The following PLXNA2 variants were observed in gnomAD, a reference collection of about 807,000 sequenced individuals.
PLXNA2 encodes plexin-A2.
Under a neutral mutation model 193.5 loss-of-function variants are expected in PLXNA2, and 91 were observed. That is an observed-to-expected ratio of 0.47 (90% CI 0.40 to 0.56). The LOEUF (loss-of-function observed/expected upper bound fraction) is 0.56, where lower values mean the gene tolerates loss of function less well. PLXNA2 is among the 20% of genes least tolerant of loss of function. PLXNA2 has a pLI of 0.00. For missense variants in PLXNA2, 1,995 were observed against 2,503.2 expected (o/e 0.80, Z 4.33); for synonymous variants, 997 against 1,027.3 (o/e 0.97, Z 0.56).
intron 3 of PLXNA2, among the ~76,000 whole-genome samples, chr1:208,164,384 C>T (rs780821193): frequency 5.3e-5 from 8 of 152,202 alleles, no homozygotes; most frequent in East Asian, 1.9e-4. Context: ...TTCTTTGCTC[C>T]GCATGCCCTA....
intron 3 of PLXNA2, among the ~76,000 whole-genome samples, chr1:208,163,227 A>C (rs1358167644): frequency 6.6e-6 from 1 of 151,994 alleles, no homozygotes; most frequent in Non-Finnish European, 1.5e-5. Flanking sequence ...TGGTGGAGGG[A>C]TGCCAAGACC....
At position 208,042,220 on chromosome 1, in the gene PLXNA2, C is replaced by T. The variant is rs549463134; in HGVS notation, c.4164G>A (p.Ser1388=). ...FSMRDRGNVA[S]LIMTGLQGRL... Reference sequence around the variant, plus strand: ...GGCCCTGCAGGCCGGTCATGATGAGCGAAGCCACGTTGCCCCGGTCGCGCA... The same window carrying T: ...GGCCCTGCAGGCCGGTCATGATGAGTGAAGCCACGTTGCCCCGGTCGCGCA... The change falls in exon 22 of 32, where the codon TCG becomes TCA. Residue 1388 remains serine (S), a synonymous_variant. Coordinates refer to ENST00000367033, the MANE Select transcript of PLXNA2 (RefSeq NM_025179.4). The T allele has an allele frequency of 4.1e-5, 66 of 1,614,086 alleles. No homozygotes were observed. Among genetic ancestry groups the T allele is most frequent in the South Asian group, 3.7e-4 (34 of 91,082 alleles).
At chr1:208,148,374 A>T (rs1214614126) in intron 3 of PLXNA2, among the ~76,000 whole-genome samples, 1 of 152,170 alleles carries the variant, frequency 6.6e-6, no homozygotes, top group Non-Finnish European at 1.5e-5. Flanking sequence ...AGGCATCACC[A>T]CACAGAAGGA....
At chr1:208,210,256 G>A (rs559326606) in intron 3 of PLXNA2, 24 bp downstream of exon 3, 5 of 1,611,902 alleles carry the variant, frequency 3.1e-6, no homozygotes, top group African/African-American at 2.7e-5. Flanking sequence ...TGGCATTGGA[G>A]CATCTGAACT....
chr1:208,194,596 T>A (rs1670295899), intron 3 of PLXNA2, among the ~76,000 whole-genome samples: 1 of 151,400 alleles, frequency 6.6e-6, no homozygotes, highest in African/African-American at 2.4e-5. Flanking sequence ...TGATGTGGAG[T>A]CCAAAACCAA....
chr1:208,214,597 T>C (rs867488274), intron 2 of PLXNA2, among the ~76,000 whole-genome samples: 9 of 152,258 alleles, frequency 5.9e-5, no homozygotes, highest in Non-Finnish European at 1.2e-4. Context: ...ACTCAGAAGG[T>C]AGCCGTATGG....
chr1:208,117,201 A>C (rs1667663121), intron 4 of PLXNA2, among the ~76,000 whole-genome samples: 1 of 152,192 alleles, frequency 6.6e-6, no homozygotes, highest in Non-Finnish European at 1.5e-5. Context: ...GGAATGAAAA[A>C]GAAGAGACTG....
At chr1:208,167,594 C>A (rs547069140) in intron 3 of PLXNA2, among the ~76,000 whole-genome samples, 1 of 152,246 alleles carries the variant, frequency 6.6e-6, no homozygotes, top group South Asian at 2.1e-4. Context: ...CTTCTTACTC[C>A]CCTACCACCT....
chr1:208,103,350 C>A, intron 4 of PLXNA2, 103 bp from the exon 5 acceptor site: 1 of 839,944 alleles, frequency 1.2e-6, no homozygotes, highest in East Asian at 2.7e-5. Context: ...TGTCAACTCC[C>A]CTAAAGAGGT....
chr1:208,184,912 G>A (rs1462774412), intron 3 of PLXNA2, among the ~76,000 whole-genome samples: 1 of 152,210 alleles, frequency 6.6e-6, no homozygotes, highest in Non-Finnish European at 1.5e-5. Flanking sequence ...TAAAAGCAGG[G>A]TCTGGGCCCT....
chr1:208,037,650 C>A (rs1192994521), intron 26 of PLXNA2, among the ~76,000 whole-genome samples: 1 of 152,166 alleles, frequency 6.6e-6, no homozygotes, highest in South Asian at 2.1e-4. Context: ...CAGAGACCCC[C>A]AGCTGCGAGT....
chr1:208,060,800 C>T lies in PLXNA2; in HGVS notation c.2624G>A (p.Arg875Gln), dbSNP rs766663884. The T allele has an allele frequency of 9.3e-5, 150 of 1,613,950 alleles. 1 individual carries two copies. Among genetic ancestry groups the T allele is most frequent in the Non-Finnish European group, 1.2e-4 (141 of 1,180,000 alleles). Residue 875 changes from arginine to glutamine, a missense_variant, in exon 13 of 32, where the codon CGA becomes CAA. Arg to Gln is a conservative substitution (Grantham distance 43). Coordinates refer to ENST00000367033, the MANE Select transcript of PLXNA2 (RefSeq NM_025179.4). Reference protein sequence around the residue: ...TVSGPPEGGTRVTIHGVNLGL... With the variant: ...TVSGPPEGGTQVTIHGVNLGL... Reference sequence around the variant, plus strand: ...CAGGTTCACGCCATGGATGGTCACTCGCGTCCCTCCTTCCGGCGGTCCAGA... The same window carrying T: ...CAGGTTCACGCCATGGATGGTCACTTGCGTCCCTCCTTCCGGCGGTCCAGA...
intron 17 of PLXNA2, 129 bp downstream of exon 17, chr1:208,050,878 TCA>T (rs1665236459): frequency 1.5e-6 from 1 of 671,306 alleles, no homozygotes; most frequent in Non-Finnish European, 2.6e-6. Context: ...GATTCCAGGC[TCA>T]GAGTCTTAAG....
intron 3 of PLXNA2, among the ~76,000 whole-genome samples, chr1:208,179,760 T>C (rs898157318): frequency 1.3e-5 from 2 of 152,184 alleles, no homozygotes; most frequent in Non-Finnish European, 1.5e-5. Context: ...AGCCTCCCCT[T>C]GGAGATTCTG....
Position 208,131,254 on chromosome 1 carries a change from C to G in PLXNA2, c.1506+11075G>C, listed in dbSNP as rs139741481. On this transcript the variant is annotated intron_variant, in intron 4 of 31. Coordinates refer to ENST00000367033, the MANE Select transcript of PLXNA2 (RefSeq NM_025179.4). ...TCTTCCTGATGCATGGTGCCGCTCT[C>G]GACACCTCTGAACCTGCATCTTCAC... 4.6e-5 allele frequency among the ~76,000 whole-genome samples: 7 copies of G among 152,292 alleles called. No homozygotes were observed. In the East Asian group the frequency reaches 1.2e-3, roughly 25 times the overall value.
intron 12 of PLXNA2, 120 bp downstream of exon 12, chr1:208,079,140 A>C: frequency 1.2e-6 from 1 of 811,362 alleles, no homozygotes; most frequent in Non-Finnish European, 2.0e-6. Flanking sequence ...ACACCCCCCC[A>C]CATTAAACTC....
Position 208,187,369 on chromosome 1 carries a change from T to C in PLXNA2, c.1371+22911A>G, listed in dbSNP as rs149668555. Among the ~76,000 whole-genome samples the C allele has an allele frequency of 6.7e-3, 1,022 of 152,282 alleles. 15 individuals are homozygous for C. The highest frequency in any genetic ancestry group is 0.023 in the African/African-American group (955 of 41,558). The stretch of plus-strand genomic sequence containing the variant: ...CAAGAGAAAGATGGTTTTTGTTACA[T>C]AGCCCAGAGAGGCTGATCTTGGTTC... On this transcript the variant is annotated intron_variant, in intron 3 of 31. Transcript: ENST00000367033.
chr1:208,182,752 G>A (rs2102549822), intron 3 of PLXNA2, among the ~76,000 whole-genome samples: 1 of 152,182 alleles, frequency 6.6e-6, no homozygotes, highest in Non-Finnish European at 1.5e-5. Context: ...GGGCAGAGCT[G>A]TGCGGGGAGT....
At chr1:208,176,498 G>C (rs1198364038) in intron 3 of PLXNA2, among the ~76,000 whole-genome samples, 2 of 152,176 alleles carry the variant, frequency 1.3e-5, no homozygotes, top group Non-Finnish European at 2.9e-5. Context: ...GTACAGGTTG[G>C]AAAAGCCTGG....
Sources: gnomAD v4.1 joint callset for allele counts (sites outside exome capture counted in the v4.1 genomes callset) on GRCh38, gnomAD v4.1.1 for gene constraint, MANE v1.5 for transcripts, NCBI Gene and HGNC (gene_info 2026-07-23, HGNC 2026-07-21) for gene names.